Variants in OR6N1 observed in about 807,000 individuals in gnomAD.
OR6N1 encodes olfactory receptor family 6 subfamily N member 1, also known as olfactory receptor 6N1.
For synonymous variants in OR6N1, 170 were observed against 150.7 expected (o/e 1.13, Z -0.94); for missense variants, 394 against 371.7 (o/e 1.06, Z -0.49).
upstream of OR6N1, among the ~76,000 whole-genome samples, chr1:158,772,408 C>G (rs1348243559): frequency 6.6e-6 from 1 of 152,118 alleles, no homozygotes; most frequent in Non-Finnish European, 1.5e-5. Flanking sequence ...AACTACCAGT[C>G]CAAGTTGAGA....
At chr1:158,828,488 C>A in the OR6N1 span, among the ~76,000 whole-genome samples, 3 of 152,308 alleles carry the variant, frequency 2.0e-5, no homozygotes, top group South Asian at 6.2e-4. Context: ...AAAATGATCT[C>A]CTTTGACTCT....
At chr1:158,820,047 T>G in the OR6N1 span, among the ~76,000 whole-genome samples, 2 of 152,204 alleles carry the variant, frequency 1.3e-5, no homozygotes, top group African/African-American at 4.8e-5. Flanking sequence ...TAAGATTTGC[T>G]AAAAATATTC....
the OR6N1 span, among the ~76,000 whole-genome samples, chr1:158,819,734 C>G: frequency 6.6e-6 from 1 of 152,298 alleles, no homozygotes; most frequent in African/African-American, 2.4e-5. Context: ...CACATCTCAG[C>G]TTATCTGCAC....
At chr1:158,800,656 C>T in the OR6N1 span, among the ~76,000 whole-genome samples, 4 of 152,164 alleles carry the variant, frequency 2.6e-5, no homozygotes, top group South Asian at 8.3e-4. Flanking sequence ...ACATTGTTCT[C>T]TACACATATC....
the OR6N1 span, among the ~76,000 whole-genome samples, chr1:158,837,022 T>C: frequency 6.6e-6 from 1 of 151,860 alleles, no homozygotes; most frequent in Admixed American, 6.6e-5. Flanking sequence ...TTTCTTTCTG[T>C]TGATTTCTAC....
At chr1:158,833,588 C>T in the OR6N1 span, among the ~76,000 whole-genome samples, 1 of 152,130 alleles carries the variant, frequency 6.6e-6, no homozygotes, top group Non-Finnish European at 1.5e-5. Context: ...TAAGCGTGTG[C>T]TTTTTGTGAC....
chr1:158,830,953 T>G, the OR6N1 span, among the ~76,000 whole-genome samples: 3 of 152,266 alleles, frequency 2.0e-5, no homozygotes, highest in Admixed American at 6.5e-5. Context: ...ATCCAAGAGA[T>G]GAAGTCAAGT....
At position 158,766,156 on chromosome 1, in the gene OR6N1, T is replaced by C; in HGVS notation, c.527A>G (p.His176Arg). Residue 176 changes from histidine to arginine, a missense_variant, in exon 2 of 2, where the codon CAC (histidine) becomes CGC (arginine). His to Arg is a conservative substitution (Grantham distance 29, BLOSUM62 0). Coordinates refer to ENST00000641846, the MANE Select transcript of OR6N1 (RefSeq NM_001005185.2). ...LPFCGPNRIQHVFCDFPPVLS... is the reference protein window; with the variant it reads ...LPFCGPNRIQRVFCDFPPVLS... ...CACAGGAGGGAAGTCACAAAAGACG[T>C]GCTGAATGCGATTGGGGCCACAGAA... 1.2e-6 allele frequency: 2 copies of C among 1,614,136 alleles called. No homozygotes were observed. Among genetic ancestry groups the C allele is most frequent in the Non-Finnish European group, 1.7e-6 (2 of 1,180,016 alleles).
the OR6N1 span, among the ~76,000 whole-genome samples, chr1:158,786,161 A>G: frequency 1.3e-5 from 2 of 152,264 alleles, no homozygotes; most frequent in African/African-American, 4.8e-5. Flanking sequence ...CAACCAAATA[A>G]TCCTATCAAA....
the OR6N1 span, among the ~76,000 whole-genome samples, chr1:158,806,234 G>A: frequency 1.3e-5 from 2 of 152,146 alleles, no homozygotes; most frequent in East Asian, 1.9e-4. Context: ...ATGTATTTGG[G>A]AAACAGCATA....
chr1:158,824,066 C>G, the OR6N1 span, among the ~76,000 whole-genome samples: 1 of 151,368 alleles, frequency 6.6e-6, no homozygotes, highest in African/African-American at 2.4e-5. Flanking sequence ...TGTTATGGTC[C>G]AAGAGTGTGG....
At chr1:158,819,315 C>T in the OR6N1 span, among the ~76,000 whole-genome samples, 13 of 152,246 alleles carry the variant, frequency 8.5e-5, no homozygotes, top group African/African-American at 2.6e-4. Context: ...TTTGCCTGAA[C>T]CACACAGAAG....
At chr1:158,824,648 C>T in the OR6N1 span, among the ~76,000 whole-genome samples, 2 of 152,058 alleles carry the variant, frequency 1.3e-5, no homozygotes, top group Non-Finnish European at 2.9e-5. Context: ...TAACAAACAG[C>T]TAAAAATAAT....
At chr1:158,787,806 T>A in the OR6N1 span, among the ~76,000 whole-genome samples, 4 of 152,270 alleles carry the variant, frequency 2.6e-5, 1 homozygote, top group South Asian at 6.2e-4. Context: ...AGTGAAAACA[T>A]CCCCAGTGCA....
At chr1:158,784,958 C>T in the OR6N1 span, among the ~76,000 whole-genome samples, 3 of 152,146 alleles carry the variant, frequency 2.0e-5, no homozygotes, top group African/African-American at 7.2e-5. Flanking sequence ...CCAGTAATCA[C>T]AATAGCCATG....
upstream of OR6N1, chr1:158,776,966 C>T: frequency 1.2e-6 from 2 of 1,614,066 alleles, no homozygotes; most frequent in Admixed American, 1.7e-5. Flanking sequence ...TTCAGCACAG[C>T]CCCAATGATC....
At chr1:158,782,234 TTAACTA>T in the OR6N1 span, among the ~76,000 whole-genome samples, 1 of 152,226 alleles carries the variant, frequency 6.6e-6, no homozygotes, top group Non-Finnish European at 1.5e-5. Flanking sequence ...AATGCAAACA[TTAACTA>T]TAATAGTTTT....
chr1:158,781,587 A>G, the OR6N1 span, among the ~76,000 whole-genome samples: 1 of 152,150 alleles, frequency 6.6e-6, no homozygotes, highest in Non-Finnish European at 1.5e-5. Flanking sequence ...GCACTCTCAC[A>G]TTTCTTGACT....
At chr1:158,826,470 A>T in the OR6N1 span, among the ~76,000 whole-genome samples, 1 of 152,200 alleles carries the variant, frequency 6.6e-6, no homozygotes, top group Non-Finnish European at 1.5e-5. Flanking sequence ...TTCAACCAAC[A>T]TTTATTGATC....
Sources: gnomAD v4.1 joint callset for allele counts (sites outside exome capture counted in the v4.1 genomes callset) on GRCh38, gnomAD v4.1.1 for gene constraint, MANE v1.5 for transcripts, NCBI Gene and HGNC (gene_info 2026-07-23, HGNC 2026-07-21) for gene names.